Variants in NMNAT3 observed in about 807,000 individuals in gnomAD.
NMNAT3 encodes nicotinamide nucleotide adenylyltransferase 3.
NMNAT3 carries 21 observed loss-of-function variants against 24.8 expected under a neutral mutation model. That is an observed-to-expected ratio of 0.85 (90% CI 0.60 to 1.22). The LOEUF is 1.22. Ranked by LOEUF, NMNAT3 falls within the 50% of genes most tolerant of loss-of-function variation. The probability of loss-of-function intolerance (pLI) is 0.00; values close to 1 mark genes in which losing one functional copy is unlikely to be tolerated. For synonymous variants in NMNAT3, 136 were observed against 155.2 expected, an observed-to-expected ratio of 0.88 and a Z score of 0.92; for missense variants, 387 against 436.6, an observed-to-expected ratio of 0.89 and a Z score of 1.01.
Position 139,641,884 on chromosome 3 carries a change from T to A in NMNAT3, c.-140-3822A>T, listed in dbSNP as rs369221604. Among the ~76,000 whole-genome samples, 4 of 152,154 alleles carry A rather than the reference T, an allele frequency of 2.6e-5. No individual in the cohort carries two copies. The South Asian group carries it at 8.3e-4, about 32-fold the overall frequency. Reference sequence around the variant, plus strand: ...ACCAATTTTATTTTGCTTCAGGGGATAAGAGGCATGAGAACCATAGCACCA... The same window carrying A: ...ACCAATTTTATTTTGCTTCAGGGGAAAAGAGGCATGAGAACCATAGCACCA... On this transcript the variant is annotated intron_variant, in intron 1 of 6. Coordinates refer to ENST00000643695, the MANE Select transcript of NMNAT3 (RefSeq NM_001320510.2).
intron 6 of NMNAT3, chr3:139,572,005 G>C (rs1938450820): frequency 2.5e-6 from 1 of 397,142 alleles, no homozygotes; most frequent in Non-Finnish European, 4.4e-6. Flanking sequence ...TCTGCCCCTT[G>C]GCCCAGAAAT....
At chr3:139,584,256 A>T (rs917391235) in intron 3 of NMNAT3, 1 of 154,222 alleles carries the variant, frequency 6.5e-6, no homozygotes, top group Non-Finnish European at 1.5e-5. Flanking sequence ...CTACTTGTAT[A>T]CCCTTGACTG....
chr3:139,571,924 G>A (rs1485423706), intron 6 of NMNAT3, among the ~76,000 whole-genome samples: 1 of 152,226 alleles, frequency 6.6e-6, no homozygotes, highest in Non-Finnish European at 1.5e-5. Context: ...TCTCACTGGA[G>A]GCTCCAGTCT....
chr3:139,647,466 C>T (rs1455133676), intron 1 of NMNAT3, among the ~76,000 whole-genome samples: 3 of 152,096 alleles, frequency 2.0e-5, no homozygotes, highest in African/African-American at 2.4e-5. Flanking sequence ...GGTCCTAATC[C>T]CTAGAACCTG....
chr3:139,667,806 A>C (rs1263455368), intron 1 of NMNAT3, among the ~76,000 whole-genome samples: 2 of 152,254 alleles, frequency 1.3e-5, no homozygotes, highest in Non-Finnish European at 2.9e-5. Context: ...TGTATGTATG[A>C]CTTCAAGGAG....
rs1936317205 is a variant in NMNAT3 at position 139,561,110 on chromosome 3, G to A, written c.941C>T (p.Pro314Leu). The A allele has an allele frequency of 8.7e-6, 14 of 1,613,996 alleles. No homozygotes were observed. The highest frequency in any genetic ancestry group is 1.2e-5 in the Non-Finnish European group (14 of 1,180,026). ...CTTGATGTACGTGATGACAGCATCG[G>A]GAATCAGGTACTTTACGCTCTGCCC... The change falls in exon 7 of 7, where the codon CCC becomes CTC. Residue 314 changes from proline (P) to leucine (L), a missense_variant. Pro to Leu is a moderately conservative substitution (Grantham distance 98). Around this residue, in one of 3 missense-constraint regions of NMNAT3, gnomAD observed 323 missense variants for 345.2 expected, o/e 0.94. Coordinates refer to ENST00000643695, the MANE Select transcript of NMNAT3 (RefSeq NM_001320510.2).
intron 6 of NMNAT3, chr3:139,569,093 G>A (rs1045000830): frequency 1.2e-4 from 18 of 152,190 alleles, no homozygotes; most frequent in African/African-American, 4.1e-4. Context: ...TTACCATGAT[G>A]TAATGGCCTT....
At chr3:139,562,452 A>G (rs1262052649) in intron 6 of NMNAT3, among the ~76,000 whole-genome samples, 1 of 152,208 alleles carries the variant, frequency 6.6e-6, no homozygotes, top group East Asian at 1.9e-4. Context: ...TTCTTCCAGA[A>G]GCTGATCCCA....
intron 1 of NMNAT3, among the ~76,000 whole-genome samples, chr3:139,652,389 G>C (rs2057084628): frequency 6.6e-6 from 1 of 152,200 alleles, no homozygotes; most frequent in Non-Finnish European, 1.5e-5. Context: ...ATTTCAATTA[G>C]ATGCTATTAC....
At chr3:139,563,598 C>T (rs1936739795) in intron 6 of NMNAT3, among the ~76,000 whole-genome samples, 1 of 152,126 alleles carries the variant, frequency 6.6e-6, no homozygotes, top group South Asian at 2.1e-4. Context: ...ACCTCCCCTG[C>T]CCCCCAAATC....
intron 5 of NMNAT3, among the ~76,000 whole-genome samples, chr3:139,578,275 G>GA (rs374494314): frequency 3.9e-5 from 6 of 152,176 alleles, no homozygotes; most frequent in Non-Finnish European, 8.8e-5. Flanking sequence ...AATTCCAGAA[G>GA]AAAAAATAAT....
At chr3:139,657,818 G>T (rs942866028) in intron 1 of NMNAT3, among the ~76,000 whole-genome samples, 7 of 151,306 alleles carry the variant, frequency 4.6e-5, no homozygotes, top group African/African-American at 1.7e-4. Context: ...GTTTTGCTGT[G>T]GGGGGTATCA....
intron 1 of NMNAT3, among the ~76,000 whole-genome samples, chr3:139,675,667 C>T (rs983840515): frequency 1.8e-4 from 28 of 152,198 alleles, no homozygotes; most frequent in Non-Finnish European, 2.1e-4. Context: ...GCCTCCACTC[C>T]TATCCCTCTC....
At chr3:139,625,442 A>G (rs548585166) in intron 3 of NMNAT3, among the ~76,000 whole-genome samples, 1 of 152,198 alleles carries the variant, frequency 6.6e-6, no homozygotes, top group Admixed American at 6.5e-5. Flanking sequence ...AGTATATTCC[A>G]ATTCTATTTT....
chr3:139,629,292 G>A (rs537509370), intron 2 of NMNAT3, among the ~76,000 whole-genome samples: 1 of 152,178 alleles, frequency 6.6e-6, no homozygotes, highest in South Asian at 2.1e-4. Flanking sequence ...AACTGGATCT[G>A]CCAAAAACTA....
intron 1 of NMNAT3, among the ~76,000 whole-genome samples, chr3:139,662,610 CCTCTGA>C (rs910999069): frequency 7.2e-5 from 11 of 152,148 alleles, no homozygotes; most frequent in African/African-American, 2.7e-4. Context: ...GCTCCTGCTT[CCTCTGA>C]TGTACAGTGG....
intron 3 of NMNAT3, among the ~76,000 whole-genome samples, chr3:139,590,799 T>C (rs1377826542): frequency 6.6e-6 from 1 of 152,198 alleles, no homozygotes; most frequent in African/African-American, 2.4e-5. Flanking sequence ...TTGTATTTTT[T>C]TATACTTTTC....
At chr3:139,622,368 G>A (rs946263382) in intron 3 of NMNAT3, among the ~76,000 whole-genome samples, 3 of 149,442 alleles carry the variant, frequency 2.0e-5, no homozygotes, top group Admixed American at 6.6e-5. Context: ...CCTGATGGAC[G>A]ATTGTATATT....
At chr3:139,628,412 T>C (rs1490595299) in intron 2 of NMNAT3, among the ~76,000 whole-genome samples, 1 of 152,250 alleles carries the variant, frequency 6.6e-6, no homozygotes, top group Non-Finnish European at 1.5e-5. Context: ...TAAAATCTCT[T>C]TACTTCTAAA....
Sources: gnomAD v4.1 joint callset for allele counts (sites outside exome capture counted in the v4.1 genomes callset) on GRCh38, gnomAD v4.1.1 for gene constraint, gnomAD v4.1.1 regional missense constraint, MANE v1.5 for transcripts, NCBI Gene and HGNC (gene_info 2026-07-23, HGNC 2026-07-21) for gene names.